Variants in HIVEP3 observed in about 807,000 individuals in gnomAD.
HIVEP3 encodes transcription factor HIVEP3.
A neutral mutation model predicts 152.8 loss-of-function variants in HIVEP3; 49 were observed. The ratio of observed to expected loss-of-function variants is 0.32; its 90% CI spans 0.26 to 0.41. The LOEUF (loss-of-function observed/expected upper bound fraction) is 0.41. Ranked by LOEUF, HIVEP3 falls within the 10% of genes least tolerant of loss-of-function variation. The pLI is 1.00. For missense variants in HIVEP3, 2,790 were observed against 3,103.3 expected (o/e 0.90, Z 2.40); for synonymous variants, 1,269 against 1,289.0 (o/e 0.98, Z 0.33).
At chr1:41,531,284 GGAGATGGAGGACAGGA>G (rs1643241152) in intron 5 of HIVEP3, among the ~76,000 whole-genome samples, 2 of 141,260 alleles carry the variant, frequency 1.4e-5, no homozygotes, top group East Asian at 2.2e-4. Context: ...GGAGGACAGG[GGAGATGGAGGACAGGA>G]GAGATGGAGG....
At chr1:41,997,172 G>T (rs1452955824) in intron 1 of HIVEP3, among the ~76,000 whole-genome samples, 3 of 152,214 alleles carry the variant, frequency 2.0e-5, no homozygotes, top group African/African-American at 7.2e-5. Context: ...GAATCACATA[G>T]CATAGCATCA....
intron 2 of HIVEP3, among the ~76,000 whole-genome samples, chr1:41,683,622 G>C (rs1038964988): frequency 6.6e-6 from 1 of 152,232 alleles, no homozygotes; most frequent in Admixed American, 6.5e-5. Flanking sequence ...TATGGCCATG[G>C]CTGGAGGCTG....
chr1:41,513,234 C>T lies in HIVEP3; in HGVS notation c.5987G>A (p.Arg1996Gln), dbSNP rs767289271. Residue 1996 changes from arginine to glutamine, a missense_variant, in exon 8 of 9, where the codon CGA becomes CAA. Arg to Gln is a conservative substitution (Grantham distance 43). This residue lies in a region of HIVEP3 where 816 missense variants were observed against 806.5 expected (regional missense o/e 1.01). Coordinates refer to ENST00000372583, the MANE Select transcript of HIVEP3 (RefSeq NM_024503.5). ...SLTKNDSSPQRCSPAREPQAS... is the reference protein window; with the variant it reads ...SLTKNDSSPQQCSPAREPQAS... ...CTGTGGTTCTCGGGCCGGGGAGCAT[C>T]GCTGGGGAGATGAGTCGTTTTTGGT... 8 of 1,613,468 alleles carry T rather than the reference C, an allele frequency of 5.0e-6. No individual in the cohort carries two copies. The highest frequency in any genetic ancestry group is 2.2e-5 in the East Asian group (1 of 44,874).
chr1:41,960,105 G>A (rs1645161649), intron 1 of HIVEP3, among the ~76,000 whole-genome samples: 1 of 152,144 alleles, frequency 6.6e-6, no homozygotes, highest in Non-Finnish European at 1.5e-5. Flanking sequence ...GAAACCAGGG[G>A]CTCAGACCCC....
chr1:41,882,378 C>T (rs951279617), intron 1 of HIVEP3, among the ~76,000 whole-genome samples: 1 of 152,200 alleles, frequency 6.6e-6, no homozygotes, highest in Admixed American at 6.5e-5. Flanking sequence ...ACTGAGCAGA[C>T]CCTACTGTGG....
chr1:41,702,661 C>T (rs1261295841), intron 1 of HIVEP3, among the ~76,000 whole-genome samples: 2 of 152,192 alleles, frequency 1.3e-5, no homozygotes, highest in Non-Finnish European at 2.9e-5. Flanking sequence ...TACAATTTCT[C>T]CTCCTGGCCT....
intron 1 of HIVEP3, among the ~76,000 whole-genome samples, chr1:41,853,109 C>T (rs1323864264): frequency 1.3e-5 from 2 of 152,186 alleles, no homozygotes; most frequent in Admixed American, 6.5e-5. Context: ...TTCAAGAAAA[C>T]AGAGACTGGC....
chr1:41,688,426 T>C (rs1646145017), intron 2 of HIVEP3, among the ~76,000 whole-genome samples: 1 of 152,268 alleles, frequency 6.6e-6, no homozygotes, highest in Non-Finnish European at 1.5e-5. Context: ...CTGACCTGGC[T>C]GAGGCCCAGA....
At chr1:41,907,270 G>C (rs907178352) in intron 1 of HIVEP3, among the ~76,000 whole-genome samples, 1 of 152,204 alleles carries the variant, frequency 6.6e-6, no homozygotes, top group African/African-American at 2.4e-5. Flanking sequence ...CTCCAAGATA[G>C]TTAGGGACAG....
chr1:41,882,072 T>C (rs1290676016), intron 1 of HIVEP3, among the ~76,000 whole-genome samples: 2 of 152,186 alleles, frequency 1.3e-5, no homozygotes, highest in African/African-American at 4.8e-5. Flanking sequence ...TGTAGACACA[T>C]TAAATCATAA....
chr1:41,751,324 AT>A lies in HIVEP3; in HGVS notation c.-800-50330del, dbSNP rs35864189. Among the ~76,000 whole-genome samples, 343 of 104,536 alleles carry A rather than the reference AT, an allele frequency of 3.3e-3. 3 individuals carry two copies. Among genetic ancestry groups the A allele is most frequent in the African/African-American group, 4.4e-3 (115 of 26,382 alleles). The allele number at this position is 104,536 out of a possible 152,430, so 68.6% of individuals were successfully genotyped here. A position where few individuals can be genotyped will look rare whatever the true frequency, so the allele number is the denominator to read the frequency against. The stretch of plus-strand genomic sequence containing the variant: ...TTCATCCCGAGGGAAACTGACACAC[AT>A]TTTTTTTTTTTTTTTTTTTGCATAA... On this transcript the variant is annotated intron_variant, in intron 1 of 8. Transcript: ENST00000372583.
Position 41,873,087 on chromosome 1 carries a change from G to T in HIVEP3, c.-801+45326C>A, listed in dbSNP as rs1257652156. On this transcript the variant is annotated intron_variant, in intron 1 of 8. Coordinates refer to ENST00000372583, the MANE Select transcript of HIVEP3 (RefSeq NM_024503.5). The surrounding 1 kb of genome is among the most constrained non-coding windows in gnomAD (Gnocchi z 4.2). ...ATGTAGTGCATCTGAAAGCACATGG[G>T]GGCTGCTTTGCTGAAGGGGCTGGCA... 6.6e-6 allele frequency among the ~76,000 whole-genome samples: 1 copy of T among 152,222 alleles called. No homozygotes were observed. The highest frequency in any genetic ancestry group is 2.4e-5 in the African/African-American group (1 of 41,462).
At chr1:41,621,043 G>A (rs1490781227) in intron 3 of HIVEP3, among the ~76,000 whole-genome samples, 10 of 152,176 alleles carry the variant, frequency 6.6e-5, no homozygotes, top group Admixed American at 6.5e-4. Context: ...CACTTGCCAC[G>A]TTTGAGCTTG....
chr1:41,721,684 G>A (rs1172302542), intron 1 of HIVEP3, among the ~76,000 whole-genome samples: 1 of 152,196 alleles, frequency 6.6e-6, no homozygotes, highest in Admixed American at 6.5e-5. Context: ...ATACTATGAA[G>A]GAAGTATCAT....
intron 1 of HIVEP3, among the ~76,000 whole-genome samples, chr1:41,889,255 G>C (rs1335956746): frequency 6.6e-6 from 1 of 151,860 alleles, no homozygotes; most frequent in African/African-American, 2.4e-5. Flanking sequence ...CACATCCCCT[G>C]CTACACACAA....
chr1:41,558,154 C>T (rs1643998179), intron 5 of HIVEP3, among the ~76,000 whole-genome samples: 1 of 152,190 alleles, frequency 6.6e-6, no homozygotes, highest in Non-Finnish European at 1.5e-5. Context: ...CTCTCAGGTG[C>T]CCCACCTCCT....
At chr1:41,648,785 C>T (rs1645501067) in intron 2 of HIVEP3, among the ~76,000 whole-genome samples, 1 of 152,380 alleles carries the variant, frequency 6.6e-6, no homozygotes, top group Admixed American at 6.5e-5. Flanking sequence ...AAAGTCATGG[C>T]CTCTGCCACT....
At chr1:41,803,151 C>T (rs1476006366) in intron 1 of HIVEP3, among the ~76,000 whole-genome samples, 1 of 152,252 alleles carries the variant, frequency 6.6e-6, no homozygotes, top group East Asian at 1.9e-4. Context: ...TTGCAACAAA[C>T]AGGAAACCAG....
chr1:41,792,302 G>C (rs1010443221), intron 1 of HIVEP3, among the ~76,000 whole-genome samples: 1 of 152,204 alleles, frequency 6.6e-6, no homozygotes, highest in African/African-American at 2.4e-5. Flanking sequence ...AGAGGATGGG[G>C]GCTCCTGCAG....
Sources: allele counts gnomAD v4.1 joint callset (sites outside exome capture counted in the v4.1 genomes callset), GRCh38; gene constraint gnomAD v4.1.1; regional missense constraint gnomAD v4.1.1; non-coding constraint Gnocchi (gnomAD v3.1); transcripts MANE v1.5; gene names NCBI Gene and HGNC (gene_info 2026-07-23, HGNC 2026-07-21).